The following DHRS7B variants were observed in gnomAD, a reference collection of about 807,000 sequenced individuals.
DHRS7B encodes the protein dehydrogenase/reductase 7B, also known as peroxisomal reductase activating PPAR-gamma.
DHRS7B carries 24 observed loss-of-function variants against 26.4 expected under a neutral mutation model. The observed-to-expected ratio is 0.91, with a 90% CI of 0.66 to 1.28. The LOEUF (loss-of-function observed/expected upper bound fraction) is 1.28, where lower values mean the gene tolerates loss of function less well. Among genes scored for constraint, DHRS7B ranks in the 50% most tolerant of loss-of-function variants. The probability of loss-of-function intolerance (pLI) is 0.00; values close to 1 mark genes in which losing one functional copy is unlikely to be tolerated. For missense variants in DHRS7B, 368 were observed against 419.4 expected (o/e 0.88, Z 1.07); for synonymous variants, 142 against 166.4 (o/e 0.85, Z 1.13).
At chr17:21,174,475 C>G (rs556264814) in intron 2 of DHRS7B, among the ~76,000 whole-genome samples, 1 of 152,246 alleles carries the variant, frequency 6.6e-6, no homozygotes, top group Non-Finnish European at 1.5e-5. Context: ...CTTCATATAT[C>G]GTACCTTGGA....
Position 21,184,412 on chromosome 17 carries a change from G to A in DHRS7B, c.568G>A (p.Val190Ile), listed in dbSNP as rs1272364537. 2 of 1,614,228 alleles carry A rather than the reference G, an allele frequency of 1.2e-6. No homozygotes were observed. The highest frequency in any genetic ancestry group is 1.7e-5 in the Admixed American group (1 of 60,030). ...SMIKRRQGHI[V>I]AISSIQGKMS... is the part of the protein sequence containing the mutation. ...GATCAAGAGGAGGCAAGGCCACATTGTCGCCATCAGCAGCATCCAGGGCAA... is the reference window on the plus strand; with the variant it reads ...GATCAAGAGGAGGCAAGGCCACATTATCGCCATCAGCAGCATCCAGGGCAA... Residue 190 changes from valine to isoleucine, a missense_variant, in exon 5 of 7, where the codon GTC (valine) becomes ATC (isoleucine). Coordinates refer to ENST00000395511, the MANE Select transcript of DHRS7B (RefSeq NM_015510.5).
chr17:21,156,164 A>C (rs1237820514), intron 1 of DHRS7B, among the ~76,000 whole-genome samples: 1 of 152,188 alleles, frequency 6.6e-6, no homozygotes, highest in Non-Finnish European at 1.5e-5. Context: ...AACCAACAAA[A>C]CTAAAAGCTG....
At chr17:21,175,248 G>T (rs1974348989) in intron 2 of DHRS7B, among the ~76,000 whole-genome samples, 1 of 152,194 alleles carries the variant, frequency 6.6e-6, no homozygotes, top group South Asian at 2.1e-4. Context: ...TGCTGAAGGA[G>T]TTTCTTCTCC....
intron 1 of DHRS7B, among the ~76,000 whole-genome samples, chr17:21,171,362 A>G (rs1380338605): frequency 6.6e-6 from 1 of 152,256 alleles, no homozygotes; most frequent in Non-Finnish European, 1.5e-5. Context: ...AATGCTGGGC[A>G]GGAACATGCC....
At chr17:21,132,348 A>AAAT (rs1491147235) in intron 1 of DHRS7B, among the ~76,000 whole-genome samples, 23 of 125,046 alleles carry the variant, frequency 1.8e-4, no homozygotes, top group Middle Eastern at 4.0e-3. Flanking sequence ...AAAAAAAAAA[A>AAAT]ATATATATAT....
intron 1 of DHRS7B, among the ~76,000 whole-genome samples, chr17:21,163,043 A>G (rs939698372): frequency 2.0e-5 from 3 of 152,170 alleles, no homozygotes; most frequent in Non-Finnish European, 2.9e-5. Flanking sequence ...TAAAAACACA[A>G]AAATTAGCTG....
At chr17:21,148,677 C>T (rs1014535544) in intron 1 of DHRS7B, among the ~76,000 whole-genome samples, 12 of 152,142 alleles carry the variant, frequency 7.9e-5, no homozygotes, top group South Asian at 2.1e-4. Context: ...ACCTAGGAGG[C>T]GGAGGTTGCA....
intron 3 of DHRS7B, among the ~76,000 whole-genome samples, chr17:21,180,180 T>A (rs538921503): frequency 1.7e-4 from 26 of 151,890 alleles, no homozygotes; most frequent in Admixed American, 1.7e-3. Context: ...GTTCAAGTGA[T>A]TCTCCTGCCT....
intron 1 of DHRS7B, among the ~76,000 whole-genome samples, chr17:21,171,523 C>T (rs951003257): frequency 2.0e-5 from 3 of 152,224 alleles, no homozygotes; most frequent in Non-Finnish European, 4.4e-5. Flanking sequence ...GGCTGCTCCA[C>T]CCAGAAACGT....
rs374437120 is a variant in DHRS7B, at chr17:21,164,940, C to A, written c.21-7078C>A. ...ACTCAAACATGACGAGCCCTTAAAG[C>A]TGCCAGCTTGGCTGCTATTGCTTGG... On this transcript the variant is annotated intron_variant, in intron 1 of 6. Coordinates refer to ENST00000395511, the MANE Select transcript of DHRS7B (RefSeq NM_015510.5). 5.3e-5 allele frequency among the ~76,000 whole-genome samples: 8 copies of A among 152,352 alleles called. No homozygotes were observed. In the East Asian group the frequency reaches 1.4e-3, roughly 26 times the overall value.
chr17:21,182,935 T>A (rs1308180095), intron 3 of DHRS7B, among the ~76,000 whole-genome samples: 1 of 152,226 alleles, frequency 6.6e-6, no homozygotes, highest in Non-Finnish European at 1.5e-5. Context: ...CCTCTTCAGT[T>A]TTCTAGAAGA....
chr17:21,179,432 C>T (rs1338082012), intron 3 of DHRS7B, among the ~76,000 whole-genome samples: 1 of 152,120 alleles, frequency 6.6e-6, no homozygotes, highest in Non-Finnish European at 1.5e-5. Flanking sequence ...AAACCCATCT[C>T]TACCAAAAAG....
At chr17:21,165,315 A>C (rs768355804) in intron 1 of DHRS7B, among the ~76,000 whole-genome samples, 6 of 151,624 alleles carry the variant, frequency 4.0e-5, no homozygotes, top group African/African-American at 7.3e-5. Context: ...ACATTATTCC[A>C]GTGTCTTCTG....
At chr17:21,170,536 T>A (rs1168664605) in intron 1 of DHRS7B, among the ~76,000 whole-genome samples, 1 of 152,248 alleles carries the variant, frequency 6.6e-6, no homozygotes, top group Non-Finnish European at 1.5e-5. Context: ...TGAGGTGTTT[T>A]CAGAGGTGGA....
Position 21,172,025 on chromosome 17 carries a change from C to A in DHRS7B, c.28C>A (p.Leu10Met), listed in dbSNP as rs1256123770. 1 of 1,614,236 alleles carries A rather than the reference C, an allele frequency of 6.2e-7. No homozygotes were observed. The highest frequency in any genetic ancestry group is 1.1e-5 in the South Asian group (1 of 91,088). Residue 10 changes from leucine (L) to methionine (M), a missense_variant, in exon 2 of 7, where the codon CTG becomes ATG. By Grantham distance (15) the Leu-to-Met change is conservative (BLOSUM62 2). Coordinates refer to ENST00000395511, the MANE Select transcript of DHRS7B (RefSeq NM_015510.5). ...TGGTTTTGGTTCTTCCAGGAAGAGT[C>A]TGCCGAAGGTGAAGGCCATGGACTT... MVSPATRKS[L>M]PKVKAMDFIT...
intron 1 of DHRS7B, chr17:21,168,935 C>G: frequency 1.0e-6 from 1 of 984,462 alleles, no homozygotes; most frequent in African/African-American, 1.7e-5. Context: ...GGATTGCTGG[C>G]TTGAGTTTTA....
At chr17:21,163,762 C>T (rs1332847134) in intron 1 of DHRS7B, among the ~76,000 whole-genome samples, 1 of 152,170 alleles carries the variant, frequency 6.6e-6, no homozygotes, top group African/African-American at 2.4e-5. Flanking sequence ...GATCACAGCT[C>T]ACTGCAGCCT....
intron 1 of DHRS7B, among the ~76,000 whole-genome samples, chr17:21,165,331 A>G (rs569551616): frequency 2.6e-5 from 4 of 151,586 alleles, no homozygotes; most frequent in African/African-American, 9.7e-5. Context: ...TTCTGGTAAC[A>G]CTATATTCAC....
At chr17:21,138,643 T>G (rs1973421419) in intron 1 of DHRS7B, among the ~76,000 whole-genome samples, 1 of 152,226 alleles carries the variant, frequency 6.6e-6, no homozygotes. Context: ...AAATCCTATT[T>G]ATTTTTAAAA....
Sources: allele counts gnomAD v4.1 joint callset (sites outside exome capture counted in the v4.1 genomes callset), GRCh38; gene constraint gnomAD v4.1.1; transcripts MANE v1.5; gene names NCBI Gene and HGNC (gene_info 2026-07-23, HGNC 2026-07-21).